The following NGEF variants were observed in gnomAD, a reference collection of about 807,000 sequenced individuals.
NGEF encodes the protein neuronal guanine nucleotide exchange factor.
Under a neutral mutation model 80.9 loss-of-function variants are expected in NGEF, and 31 were observed. That is an observed-to-expected ratio of 0.38 (90% CI 0.29 to 0.52). The LOEUF (loss-of-function observed/expected upper bound fraction) is 0.52, where lower values mean the gene tolerates loss of function less well. Ranked by LOEUF, NGEF falls within the 20% of genes least tolerant of loss-of-function variation. The probability of loss-of-function intolerance (pLI) is 0.84; values close to 1 mark genes in which losing one functional copy is unlikely to be tolerated. For missense variants in NGEF, 709 were observed against 926.2 expected (o/e 0.77, Z 3.04); for synonymous variants, 371 against 370.2 (o/e 1.00, Z -0.03).
intron 3 of NGEF, chr2:232,928,209 C>T (rs1384569948): frequency 2.6e-5 from 11 of 417,684 alleles, no homozygotes; most frequent in Non-Finnish European, 3.1e-5. Context: ...ACGAGGGAGG[C>T]GGGAGGGGCG....
intron 4 of NGEF, among the ~76,000 whole-genome samples, chr2:232,925,914 C>T (rs1693054753): frequency 6.6e-6 from 1 of 152,216 alleles, no homozygotes. Flanking sequence ...AGGGGGCCCA[C>T]TGGGAACAAA....
chr2:232,958,852 C>T (rs147282700), intron 3 of NGEF, among the ~76,000 whole-genome samples: 32 of 152,266 alleles, frequency 2.1e-4, no homozygotes, highest in African/African-American at 6.5e-4. Context: ...TCTCATCTCA[C>T]GGCCAGTCTT....
chr2:232,899,039 TG>T (rs1360841236), intron 5 of NGEF, among the ~76,000 whole-genome samples: 1 of 150,790 alleles, frequency 6.6e-6, no homozygotes, highest in African/African-American at 2.4e-5. Flanking sequence ...AATATGAGGG[TG>T]GGTGTGGATG....
At chr2:232,961,580 C>T (rs1040277894) in intron 3 of NGEF, among the ~76,000 whole-genome samples, 1 of 152,142 alleles carries the variant, frequency 6.6e-6, no homozygotes, top group African/African-American at 2.4e-5. Context: ...GCAAGCTCCA[C>T]CTCCTGAGTT....
intron 3 of NGEF, chr2:232,969,943 T>C (rs1440065987): frequency 1.5e-5 from 3 of 202,520 alleles, no homozygotes; most frequent in African/African-American, 2.3e-5. Flanking sequence ...GGCTGGAGAA[T>C]CGTTAGAGCC....
In NGEF at chr2:232,879,115, TCTGC is replaced by T. The variant is rs1288435788; in HGVS notation, c.*370_*373del. The T allele has an allele frequency of 5.5e-6, 1 of 182,886 alleles. No homozygotes were observed. The highest frequency in any genetic ancestry group is 1.1e-5 in the Non-Finnish European group (1 of 87,738). 11.3% of individuals were successfully genotyped at this position (182,886 alleles called of 1,614,324 possible). A position where few individuals can be genotyped will look rare whatever the true frequency, so the allele number is the denominator to read the frequency against. ...CAGGAAATCGTGTCAATTGTCACCT[TCTGC>T]CTGCCTCCCACAGGGACACTCTGGG... On this transcript the variant is annotated 3_prime_UTR_variant, in exon 15 of 15. Coordinates refer to ENST00000264051, the MANE Select transcript of NGEF (RefSeq NM_019850.3).
At chr2:232,933,537 T>G (rs573197962) in intron 3 of NGEF, among the ~76,000 whole-genome samples, 1 of 152,160 alleles carries the variant, frequency 6.6e-6, no homozygotes, top group Non-Finnish European at 1.5e-5. Flanking sequence ...AAGGGTCTGA[T>G]TTTGTCCCCT....
At chr2:232,882,548 T>A (rs966464514) in intron 12 of NGEF, among the ~76,000 whole-genome samples, 8 of 152,192 alleles carry the variant, frequency 5.3e-5, no homozygotes, top group African/African-American at 1.9e-4. Context: ...GGGTAACAAG[T>A]CCCACCAAGT....
chr2:232,913,251 G>A (rs1692725916), intron 5 of NGEF, among the ~76,000 whole-genome samples: 1 of 152,076 alleles, frequency 6.6e-6, no homozygotes, highest in Non-Finnish European at 1.5e-5. Context: ...CTTGACCCAG[G>A]GATTATTGAG....
At chr2:232,899,662 TCA>T (rs59282713) in intron 5 of NGEF, among the ~76,000 whole-genome samples, 5 of 119,244 alleles carry the variant, frequency 4.2e-5, no homozygotes, top group Non-Finnish European at 8.6e-5. Context: ...TCACATTCAC[TCA>T]CACATGCTCT....
chr2:232,959,472 A>G (rs968766313), intron 3 of NGEF, among the ~76,000 whole-genome samples: 5 of 152,222 alleles, frequency 3.3e-5, no homozygotes, highest in African/African-American at 1.2e-4. Context: ...ATAGAAATAC[A>G]TACAAGGAAC....
chr2:232,933,679 C>A (rs988940072), intron 3 of NGEF, among the ~76,000 whole-genome samples: 2 of 152,248 alleles, frequency 1.3e-5, no homozygotes, highest in Non-Finnish European at 1.5e-5. Context: ...CTCCCCAGCT[C>A]TCTGAGGCTT....
chr2:232,979,910 G>A (rs146915438), intron 1 of NGEF, among the ~76,000 whole-genome samples: 318 of 150,982 alleles, frequency 2.1e-3, no homozygotes, highest in African/African-American at 7.1e-3. Context: ...GCCAAGCCTC[G>A]CAACTTCCGC....
intron 3 of NGEF, among the ~76,000 whole-genome samples, chr2:232,950,777 C>T (rs1693662135): frequency 6.6e-6 from 1 of 152,212 alleles, no homozygotes; most frequent in Admixed American, 6.5e-5. Context: ...GCCTGTCTCT[C>T]AACCCCTGTC....
At chr2:232,949,508 G>A (rs1484684473) in intron 3 of NGEF, among the ~76,000 whole-genome samples, 2 of 145,396 alleles carry the variant, frequency 1.4e-5, no homozygotes, top group East Asian at 2.0e-4. Context: ...ATGGAGTTTC[G>A]CTCTTGTTGC....
At position 232,973,558 on chromosome 2, in the gene NGEF, T is replaced by G. The variant is rs1431060122; in HGVS notation, c.268+1065A>C. Among the ~76,000 whole-genome samples, 3 of 152,196 alleles carry G rather than the reference T, an allele frequency of 2.0e-5. No individual in the cohort carries two copies. The East Asian group carries it at 5.8e-4, about 29-fold the overall frequency. ...CCTCAAGATGCCAGGCAGCTTCTGC[T>G]CTTGCTCTCTCAGAACCCGACTGCC... On this transcript the variant is annotated intron_variant, in intron 2 of 14. Transcript: ENST00000264051.
At chr2:232,930,324 CTCT>C (rs1559213101) in intron 3 of NGEF, among the ~76,000 whole-genome samples, 1 of 134,268 alleles carries the variant, frequency 7.4e-6, no homozygotes, top group African/African-American at 3.0e-5. Context: ...CTCTCTCTCT[CTCT>C]TTTTTTTTTT....
intron 1 of NGEF, among the ~76,000 whole-genome samples, chr2:232,995,572 A>ATGTATACTGTATATACAGTATGTATACTG: frequency 1.8e-3 from 2 of 1,122 alleles, no homozygotes; most frequent in African/African-American, 4.4e-3. Context: ...TGTATACTGT[A>ATGTATACTGTATATACAGTATGTATACTG]TATATATATA....
intron 1 of NGEF, among the ~76,000 whole-genome samples, chr2:232,992,861 C>G (rs903851384): frequency 2.7e-5 from 4 of 150,822 alleles, no homozygotes; most frequent in Non-Finnish European, 5.9e-5. Flanking sequence ...GTGGCACACA[C>G]CTGTAGTTGC....
Sources: allele counts gnomAD v4.1 joint callset (sites outside exome capture counted in the v4.1 genomes callset), GRCh38; gene constraint gnomAD v4.1.1; transcripts MANE v1.5; gene names NCBI Gene and HGNC (gene_info 2026-07-23, HGNC 2026-07-21).